FYN: variants seen among roughly 807,000 people sequenced by gnomAD.
FYN encodes FYN proto-oncogene, Src family tyrosine kinase.
In FYN, 10 loss-of-function variants were observed where a neutral mutation model predicts 70.2. That is an observed-to-expected ratio of 0.14 (90% CI 0.09 to 0.24). The LOEUF (loss-of-function observed/expected upper bound fraction) is 0.24. Among genes scored for constraint, FYN ranks in the 10% least tolerant of loss-of-function variants. FYN has a pLI of 1.00. For synonymous variants in FYN, 236 were observed against 248.6 expected (o/e 0.95, Z 0.48); for missense variants, 319 against 673.1 (o/e 0.47, Z 5.82).
intron 3 of FYN, among the ~76,000 whole-genome samples, 186 bp downstream of exon 3, chr6:111,780,380 C>T (rs1771129384): frequency 6.6e-6 from 1 of 152,140 alleles, no homozygotes; most frequent in Non-Finnish European, 1.5e-5. Flanking sequence ...TTAATACTAT[C>T]AGCAATAACA....
chr6:111,863,659 CCTA>C (rs1168944327), intron 1 of FYN, among the ~76,000 whole-genome samples: 2 of 152,126 alleles, frequency 1.3e-5, no homozygotes, highest in African/African-American at 4.8e-5. Flanking sequence ...CCATGAAAAG[CCTA>C]CTATTTTTGG....
intron 1 of FYN, 128 bp downstream of exon 1, chr6:111,872,840 G>A (rs1283250789): frequency 2.0e-5 from 3 of 151,386 alleles, no homozygotes. Flanking sequence ...CCCGCGGAGC[G>A]CCCTGGCGGC....
chr6:111,728,009 G>A (rs1801268727), intron 3 of FYN, among the ~76,000 whole-genome samples: 1 of 152,206 alleles, frequency 6.6e-6, no homozygotes, highest in Non-Finnish European at 1.5e-5. Context: ...TCAGACCCCA[G>A]TGGTGAGATT....
intron 10 of FYN, 66 bp downstream of exon 10, chr6:111,696,211 C>T (rs1799567857): frequency 7.5e-7 from 1 of 1,327,662 alleles, no homozygotes; most frequent in African/African-American, 1.5e-5. Flanking sequence ...AGGAAACTTC[C>T]ATTTCTCTCC....
At chr6:111,682,158 A>T (rs537789081) in intron 12 of FYN, among the ~76,000 whole-genome samples, 1 of 152,352 alleles carries the variant, frequency 6.6e-6, no homozygotes, top group South Asian at 2.1e-4. Context: ...CTGACGGTCA[A>T]AGTAATTCTC....
intron 2 of FYN, among the ~76,000 whole-genome samples, chr6:111,788,882 A>G (rs1771501267): frequency 6.7e-6 from 1 of 150,032 alleles, no homozygotes; most frequent in South Asian, 2.2e-4. Context: ...GGTGGGAGGG[A>G]GGTGGGAGGG....
chr6:111,766,068 T>C (rs929652412), intron 3 of FYN, among the ~76,000 whole-genome samples: 1 of 152,130 alleles, frequency 6.6e-6, no homozygotes, highest in African/African-American at 2.4e-5. Flanking sequence ...AAGATTGATA[T>C]ATGTGTAAAA....
At chr6:111,858,842 A>T (rs984521136) in intron 1 of FYN, among the ~76,000 whole-genome samples, 13 of 109,528 alleles carry the variant, frequency 1.2e-4, no homozygotes, top group East Asian at 8.5e-4. Context: ...CCTAGGATTT[A>T]AAAAAAAAAA....
Position 111,661,650 on chromosome 6 carries a change from G to A in FYN, c.*89C>T. The A allele has an allele frequency of 7.8e-7, 1 of 1,284,164 alleles. No homozygotes were observed. The highest frequency in any genetic ancestry group is 1.1e-6 in the Non-Finnish European group (1 of 913,332). 79.5% of individuals were successfully genotyped at this position (1,284,164 alleles called of 1,614,324 possible). Reference sequence around the variant, plus strand: ...CAATCTGATCCTGGGCGGTTCCGCTGCTGGGGAGCAGCTGGCTACGGAATT... The same window carrying A: ...CAATCTGATCCTGGGCGGTTCCGCTACTGGGGAGCAGCTGGCTACGGAATT... On this transcript the variant is annotated 3_prime_UTR_variant, in exon 14 of 14. Coordinates refer to ENST00000354650, the MANE Select transcript of FYN (RefSeq NM_002037.5). This position sits in a 1 kb window ranked among gnomAD's most constrained non-coding sequence, Gnocchi z 4.0.
intron 2 of FYN, among the ~76,000 whole-genome samples, chr6:111,785,353 C>G (rs956583451): frequency 6.6e-6 from 1 of 152,200 alleles, no homozygotes; most frequent in Non-Finnish European, 1.5e-5. Flanking sequence ...CTGTTATTTT[C>G]CCAGTGCTTA....
intron 3 of FYN, among the ~76,000 whole-genome samples, chr6:111,733,515 G>C (rs1388401377): frequency 6.6e-6 from 1 of 152,214 alleles, no homozygotes; most frequent in South Asian, 2.1e-4. Flanking sequence ...TTTTAGAGAA[G>C]GTCTGTAAGC....
intron 2 of FYN, among the ~76,000 whole-genome samples, chr6:111,787,643 GTGAC>G (rs1378036205): frequency 6.6e-6 from 1 of 152,228 alleles, no homozygotes; most frequent in African/African-American, 2.4e-5. Flanking sequence ...TATCTGTTGA[GTGAC>G]TGACTGAATA....
intron 2 of FYN, among the ~76,000 whole-genome samples, chr6:111,831,101 G>C (rs1002861141): frequency 2.6e-5 from 4 of 152,068 alleles, no homozygotes; most frequent in Admixed American, 2.6e-4. Context: ...GGTTTCTGTG[G>C]GGGAAGATTT....
intron 1 of FYN, among the ~76,000 whole-genome samples, chr6:111,859,931 C>T (rs1256133744): frequency 6.6e-6 from 1 of 152,134 alleles, no homozygotes; most frequent in Non-Finnish European, 1.5e-5. Context: ...CGACAAGTTT[C>T]CTTGTAAGAG....
chr6:111,762,409 A>T (rs746913129), intron 3 of FYN, among the ~76,000 whole-genome samples: 31 of 152,138 alleles, frequency 2.0e-4, no homozygotes, highest in Non-Finnish European at 3.7e-4. Context: ...AACCTGGAAA[A>T]CTAGTTCAGG....
At chr6:111,673,421 AC>A (rs1459079000) in intron 13 of FYN, among the ~76,000 whole-genome samples, 1 of 152,248 alleles carries the variant, frequency 6.6e-6, no homozygotes, top group African/African-American at 2.4e-5. Flanking sequence ...TCAAGGCTAC[AC>A]CAACCCAGAA....
intron 3 of FYN, among the ~76,000 whole-genome samples, chr6:111,757,512 T>G (rs1004900684): frequency 6.6e-6 from 1 of 152,180 alleles, no homozygotes; most frequent in African/African-American, 2.4e-5. Context: ...AAGCAGGAAG[T>G]CCAGGCCTCT....
chr6:111,865,884 G>A (rs761989080), intron 1 of FYN, among the ~76,000 whole-genome samples: 41 of 152,264 alleles, frequency 2.7e-4, no homozygotes, highest in Admixed American at 2.0e-3. Context: ...CATGTTTTCC[G>A]TTCTCAAGAA....
At chr6:111,845,767 G>A (rs1220862738) in intron 2 of FYN, among the ~76,000 whole-genome samples, 1 of 152,184 alleles carries the variant, frequency 6.6e-6, no homozygotes, top group Non-Finnish European at 1.5e-5. Context: ...CAGAGTAGTG[G>A]GGGCCGAAAA....
Sources: allele counts gnomAD v4.1 joint callset (sites outside exome capture counted in the v4.1 genomes callset), GRCh38; gene constraint gnomAD v4.1.1; non-coding constraint Gnocchi (gnomAD v3.1); transcripts MANE v1.5; gene names NCBI Gene and HGNC (gene_info 2026-07-23, HGNC 2026-07-21).